Variants in ITGBL1 observed in about 807,000 individuals in gnomAD.
ITGBL1 encodes the protein integrin beta-like protein 1.
In ITGBL1, 51 loss-of-function variants were observed where a neutral mutation model predicts 68.5. That is an observed-to-expected ratio of 0.74 (90% CI 0.59 to 0.94). The LOEUF (loss-of-function observed/expected upper bound fraction) is 0.94, where lower values mean the gene tolerates loss of function less well. ITGBL1 is among the 40% of genes least tolerant of loss of function. The probability of loss-of-function intolerance (pLI) is 0.00; values close to 1 mark genes in which losing one functional copy is unlikely to be tolerated. For synonymous variants in ITGBL1, 209 were observed against 227.3 expected (o/e 0.92, Z 0.72); for missense variants, 649 against 647.4 (o/e 1.00, Z -0.03).
chr13:101,528,685 T>A (rs969064016), intron 2 of ITGBL1, among the ~76,000 whole-genome samples: 2 of 152,016 alleles, frequency 1.3e-5, no homozygotes, highest in Non-Finnish European at 2.9e-5. Flanking sequence ...ATGTATATAA[T>A]GAATGTTCTG....
At chr13:101,500,326 T>A (rs2048920214) in intron 2 of ITGBL1, among the ~76,000 whole-genome samples, 1 of 152,180 alleles carries the variant, frequency 6.6e-6, no homozygotes. Context: ...TCCTGCTGAC[T>A]GATATTGGAA....
At chr13:101,575,743 C>T (rs754145745) in intron 4 of ITGBL1, among the ~76,000 whole-genome samples, 197 bp downstream of exon 4, 5 of 152,066 alleles carry the variant, frequency 3.3e-5, no homozygotes, top group Admixed American at 6.6e-5. Context: ...AGATGCAAAG[C>T]CAAATTGTCC....
chr13:101,568,985 A>T (rs973611957), intron 3 of ITGBL1, among the ~76,000 whole-genome samples: 1 of 146,352 alleles, frequency 6.8e-6, no homozygotes, highest in Non-Finnish European at 1.5e-5. Flanking sequence ...TCTTCTTAGT[A>T]GGATTTCTCT....
chr13:101,593,300 C>T (rs1356884242), intron 6 of ITGBL1, among the ~76,000 whole-genome samples: 1 of 151,914 alleles, frequency 6.6e-6, no homozygotes, highest in African/African-American at 2.4e-5. Context: ...GAGAAGAGAA[C>T]ACTGACACAC....
At chr13:101,557,934 C>T (rs1194309276) in intron 2 of ITGBL1, among the ~76,000 whole-genome samples, 3 of 151,566 alleles carry the variant, frequency 2.0e-5, no homozygotes. Context: ...ACTAAAAATA[C>T]AAAAATTAGC....
intron 2 of ITGBL1, among the ~76,000 whole-genome samples, chr13:101,497,145 C>T (rs902860707): frequency 2.6e-5 from 4 of 152,166 alleles, no homozygotes; most frequent in African/African-American, 9.6e-5. Flanking sequence ...AGAATTGTGG[C>T]CCTTTACTTT....
chr13:101,612,994 G>T (rs559021186), intron 7 of ITGBL1, among the ~76,000 whole-genome samples: 1 of 152,124 alleles, frequency 6.6e-6, no homozygotes, highest in African/African-American at 2.4e-5. Context: ...AGATGGCCAC[G>T]TGGCTGCATG....
At chr13:101,640,503 A>AT (rs1007610902) in intron 7 of ITGBL1, among the ~76,000 whole-genome samples, 3 of 152,210 alleles carry the variant, frequency 2.0e-5, no homozygotes, top group South Asian at 2.1e-4. Flanking sequence ...CTCACCGTAT[A>AT]TTTTTTTACT....
rs761629461 is a variant in ITGBL1 at position 101,707,694 on chromosome 13, C to A, written c.1279+792C>A. On this transcript the variant is annotated intron_variant, in intron 9 of 10. Transcript: ENST00000376180. ...CAAAAATCTACTCTATTAAAAAAAA[C>A]ACAAAAAAATTAGCCAGGCATTGTG... Among the ~76,000 whole-genome samples the A allele has an allele frequency of 3.4e-5, 5 of 149,138 alleles. No individual in the cohort carries two copies. In the South Asian group the frequency reaches 1.1e-3, roughly 32 times the overall value.
intron 2 of ITGBL1, among the ~76,000 whole-genome samples, chr13:101,552,734 G>A (rs191238791): frequency 9.9e-4 from 151 of 152,286 alleles, no homozygotes; most frequent in Admixed American, 2.4e-3. Flanking sequence ...TGTTAATTTT[G>A]AACTGAGTGA....
chr13:101,668,688 T>C (rs975482162), intron 7 of ITGBL1, among the ~76,000 whole-genome samples: 20 of 152,164 alleles, frequency 1.3e-4, no homozygotes, highest in African/African-American at 4.3e-4. Flanking sequence ...TGAATATAAA[T>C]GGTATAAATG....
chr13:101,693,624 G>GTCTATCTATCTA (rs71125018), intron 8 of ITGBL1, among the ~76,000 whole-genome samples: 3,716 of 146,120 alleles, frequency 0.025, 59 homozygotes, highest in Admixed American at 0.041. Context: ...CTGTCTGTCT[G>GTCTATCTATCTA]TCTATCTATC....
chr13:101,581,011 A>ATT (rs139563621), intron 5 of ITGBL1, among the ~76,000 whole-genome samples: 4 of 151,180 alleles, frequency 2.6e-5, no homozygotes, highest in African/African-American at 7.3e-5. Context: ...GAGATGAGTC[A>ATT]TTTTTTTTTC....
In ITGBL1 at chr13:101,452,677, T is replaced by C; in HGVS notation, c.-157T>C. 6.3e-6 allele frequency: 4 copies of C among 637,034 alleles called. No individual in the cohort carries two copies. Among genetic ancestry groups the C allele is most frequent in the Non-Finnish European group, 1.1e-5 (4 of 354,984 alleles). The allele number at this position is 637,034 out of a possible 1,614,324, so 39.5% of individuals were successfully genotyped here. ...CCTCGCAGGCAGCTCATCAACGCAA[T>C]TGCAACTCCGGCTGGAGCCCCGGAC... is the stretch of plus-strand genomic sequence containing the variant. On this transcript the variant is annotated 5_prime_UTR_variant, in exon 1 of 11. Coordinates refer to ENST00000376180, the MANE Select transcript of ITGBL1 (RefSeq NM_004791.3).
chr13:101,580,487 C>T (rs1425884233), intron 5 of ITGBL1, among the ~76,000 whole-genome samples: 2 of 152,024 alleles, frequency 1.3e-5, no homozygotes, highest in African/African-American at 2.4e-5. Flanking sequence ...CATTGCACAA[C>T]GTGCATGTTT....
chr13:101,717,672 TG>T (rs1452771842), downstream of ITGBL1: 1 of 152,088 alleles, frequency 6.6e-6, no homozygotes, highest in African/African-American at 2.4e-5. Context: ...TCTTCTTTGT[TG>T]GTTTCTGTTT....
chr13:101,603,306 G>T (rs573965617), intron 7 of ITGBL1, among the ~76,000 whole-genome samples: 1 of 152,034 alleles, frequency 6.6e-6, no homozygotes, highest in East Asian at 1.9e-4. Flanking sequence ...GTCTCAGGTT[G>T]TTTGCAGCAC....
At chr13:101,475,299 A>C (rs150236343) in intron 2 of ITGBL1, among the ~76,000 whole-genome samples, 711 of 152,296 alleles carry the variant, frequency 4.7e-3, no homozygotes, top group Non-Finnish European at 7.1e-3. Flanking sequence ...GACATACTGA[A>C]GAATGCATCA....
intron 2 of ITGBL1, among the ~76,000 whole-genome samples, chr13:101,541,264 G>T (rs1225727354): frequency 6.8e-6 from 1 of 147,596 alleles, no homozygotes; most frequent in Non-Finnish European, 1.5e-5. Context: ...TTAGCATGAA[G>T]GGTTGTTGAA....
Sources: allele counts gnomAD v4.1 joint callset (sites outside exome capture counted in the v4.1 genomes callset), GRCh38; gene constraint gnomAD v4.1.1; transcripts MANE v1.5; gene names NCBI Gene and HGNC (gene_info 2026-07-23, HGNC 2026-07-21).